The following NADSYN1 variants were observed in gnomAD, a reference collection of about 807,000 sequenced individuals.
NADSYN1 encodes NAD synthetase 1.
A neutral mutation model predicts 99.3 loss-of-function variants in NADSYN1; 80 were observed. The ratio of observed to expected loss-of-function variants is 0.81; its 90% confidence interval spans 0.67 to 0.97. The LOEUF (loss-of-function observed/expected upper bound fraction) is 0.97. NADSYN1 is among the 50% of genes least tolerant of loss of function. The pLI, the probability that NADSYN1 is intolerant of heterozygous loss-of-function variation, is 0.00. For synonymous variants in NADSYN1, 385 were observed against 372.1 expected, an observed-to-expected ratio of 1.03 and a Z score of -0.40; for missense variants, 859 against 948.5, an observed-to-expected ratio of 0.91 and a Z score of 1.24.
intron 5 of NADSYN1, among the ~76,000 whole-genome samples, chr11:71,469,947 C>T (rs866329529): frequency 8.1e-5 from 7 of 86,410 alleles, no homozygotes; most frequent in Admixed American, 2.4e-4. Context: ...AAAAAAAAGA[C>T]GTGTGTTAGT....
intron 5 of NADSYN1, chr11:71,464,420 A>G (rs1442311652): frequency 5.8e-6 from 2 of 342,254 alleles, no homozygotes; most frequent in Non-Finnish European, 1.1e-5. Context: ...AATATCCTCT[A>G]GAGGCTTCCC....
At position 71,453,238 on chromosome 11, in the gene NADSYN1, G is replaced by C. The variant is rs1591118597; in HGVS notation, c.-59G>C. ...GTCCGGCGTCCCAGCCGCCTACCTCGCTGGGACCCTGGTCTTGCTGTCCCC... is the reference window on the plus strand; with the variant it reads ...GTCCGGCGTCCCAGCCGCCTACCTCCCTGGGACCCTGGTCTTGCTGTCCCC... On this transcript the variant is annotated 5_prime_UTR_variant, in exon 1 of 21. Transcript: ENST00000319023. The C allele has an allele frequency of 3.3e-6, 5 of 1,508,632 alleles. No individual in the cohort carries two copies. In the East Asian group the frequency reaches 1.2e-4, roughly 35 times the overall value. The allele number at this position is 1,508,632 out of a possible 1,614,324, so 93.5% of individuals were successfully genotyped here. A position where few individuals can be genotyped will look rare whatever the true frequency, so the allele number is the denominator to read the frequency against.
intron 18 of NADSYN1, among the ~76,000 whole-genome samples, chr11:71,493,465 G>A (rs1197783228): frequency 6.6e-6 from 1 of 152,158 alleles, no homozygotes; most frequent in Non-Finnish European, 1.5e-5. Context: ...ACAAGGACAT[G>A]CCATCGCAGC....
chr11:71,491,855 C>A lies in NADSYN1; in HGVS notation c.1716C>A (p.Thr572=), dbSNP rs555007634. 1 of 1,614,098 alleles carries A rather than the reference C, an allele frequency of 6.2e-7. No homozygotes were observed. The highest frequency in any genetic ancestry group is 2.2e-5 in the East Asian group (1 of 44,878). The change falls in exon 18 of 21, where the codon ACC becomes ACA. Residue 572 remains threonine (T), a synonymous_variant. Coordinates refer to ENST00000319023, the MANE Select transcript of NADSYN1 (RefSeq NM_018161.5). ...GCAGCATCCTGTTGGCGCCGGCCAC[C>A]GCAGAGCTGGAGCCCTTGGCTGATG... The part of the protein sequence containing the change: ...ALQSILLAPA[T]AELEPLADGQ...
At chr11:71,461,781 G>A (rs1282159126) in intron 3 of NADSYN1, among the ~76,000 whole-genome samples, 1 of 152,188 alleles carries the variant, frequency 6.6e-6, no homozygotes, top group East Asian at 1.9e-4. Flanking sequence ...CTCACTGTCA[G>A]GAGAACAGCA....
chr11:71,458,382 C>T (rs748637520), intron 2 of NADSYN1, 46 bp from the exon 3 acceptor site: 2 of 1,480,096 alleles, frequency 1.4e-6, no homozygotes, highest in Non-Finnish European at 1.9e-6. Context: ...CCCCTCCCCG[C>T]TCACCTGAGT....
chr11:71,477,112 C>T (rs932514481), intron 9 of NADSYN1: 1 of 1,127,342 alleles, frequency 8.9e-7, no homozygotes. Context: ...CTGCCTCCTG[C>T]TCAAGCAACA....
chr11:71,490,747 G>T, intron 16 of NADSYN1, 98 bp from the exon 17 acceptor site: 1 of 1,518,184 alleles, frequency 6.6e-7, no homozygotes, highest in Non-Finnish European at 8.9e-7. Flanking sequence ...CACACTTCTG[G>T]CTTCAGGGCC....
chr11:71,470,060 A>T (rs538400384), intron 5 of NADSYN1, among the ~76,000 whole-genome samples: 11 of 152,364 alleles, frequency 7.2e-5, no homozygotes, highest in Non-Finnish European at 1.2e-4. Context: ...GAGGCCTCAC[A>T]ATCACGGCAG....
intron 12 of NADSYN1, 22 bp downstream of exon 12, chr11:71,481,426 G>T: frequency 6.2e-7 from 1 of 1,612,534 alleles, no homozygotes; most frequent in Non-Finnish European, 8.5e-7. Context: ...AGTTTCTAGT[G>T]AGCCCACTTT....
intron 5 of NADSYN1, among the ~76,000 whole-genome samples, chr11:71,464,874 A>C (rs1385551484): frequency 5.7e-4 from 85 of 148,458 alleles, no homozygotes; most frequent in Non-Finnish European, 3.9e-4. Context: ...TCTCAAAAAA[A>C]AAAAAAAAAA....
At chr11:71,490,215 C>T (rs1456672439) in intron 16 of NADSYN1, among the ~76,000 whole-genome samples, 14 of 152,298 alleles carry the variant, frequency 9.2e-5, no homozygotes, top group Middle Eastern at 3.4e-3. Flanking sequence ...TCACCACCAG[C>T]GGCCTCGCGT....
intron 18 of NADSYN1, among the ~76,000 whole-genome samples, chr11:71,493,971 A>G (rs1425650851): frequency 1.3e-5 from 2 of 152,238 alleles, no homozygotes; most frequent in East Asian, 3.8e-4. Flanking sequence ...GTCTCTACCA[A>G]AAAAATACAA....
chr11:71,497,497 G>T lies in NADSYN1; in HGVS notation c.1779G>T (p.Met593Ile). The T allele has an allele frequency of 6.2e-7, 1 of 1,614,154 alleles. No homozygotes were observed. The highest frequency in any genetic ancestry group is 1.1e-5 in the South Asian group (1 of 91,076). ...VSQTDEEDMGMTYAELSVYGK... is the reference protein window; with the variant it reads ...VSQTDEEDMGITYAELSVYGK... ...GTTGTGCACAGGAAGATATGGGGAT[G>T]ACATATGCGGAGCTCTCGGTCTATG... Residue 593 changes from methionine (M) to isoleucine (I), a missense_variant, in exon 19 of 21, where the codon ATG (methionine) becomes ATT (isoleucine). Physicochemically the swap from Met to Ile is conservative, Grantham distance 10 (BLOSUM62 1). Transcript: ENST00000319023.
chr11:71,495,071 G>A (rs1022414827), intron 18 of NADSYN1, among the ~76,000 whole-genome samples: 4 of 151,782 alleles, frequency 2.6e-5, no homozygotes, highest in African/African-American at 9.7e-5. Flanking sequence ...CTGGCTTTGG[G>A]TTTCATTTGC....
chr11:71,484,793 G>A (rs185229304), intron 15 of NADSYN1: 77 of 293,322 alleles, frequency 2.6e-4, no homozygotes, highest in Admixed American at 9.5e-4. Context: ...GAGCCTGAGC[G>A]TGAGAGGTTA....
intron 11 of NADSYN1, 129 bp from the exon 12 acceptor site, chr11:71,481,227 G>A: frequency 1.1e-6 from 1 of 921,470 alleles, no homozygotes; most frequent in Non-Finnish European, 1.7e-6. Context: ...GCCTAAAGCA[G>A]AGACGGGCGT....
intron 18 of NADSYN1, among the ~76,000 whole-genome samples, chr11:71,493,423 G>A (rs1949797295): frequency 6.6e-6 from 1 of 152,082 alleles, no homozygotes; most frequent in Non-Finnish European, 1.5e-5. Flanking sequence ...AGTGCTCAGA[G>A]CTTTTTAGTA....
intron 16 of NADSYN1, among the ~76,000 whole-genome samples, chr11:71,486,262 T>C (rs887263780): frequency 5.9e-5 from 9 of 152,244 alleles, no homozygotes; most frequent in African/African-American, 2.2e-4. Flanking sequence ...TTGTGATTTA[T>C]TCATTTGTTT....
Sources: allele counts gnomAD v4.1 joint callset (sites outside exome capture counted in the v4.1 genomes callset), GRCh38; gene constraint gnomAD v4.1.1; transcripts MANE v1.5; gene names NCBI Gene and HGNC (gene_info 2026-07-23, HGNC 2026-07-21).